GRID2: variants seen among roughly 807,000 people sequenced by gnomAD.
GRID2 encodes the protein glutamate receptor ionotropic, delta-2.
A neutral mutation model predicts 114.8 loss-of-function variants in GRID2; 33 were observed. That is an observed-to-expected ratio of 0.29 (90% confidence interval 0.22 to 0.38). The LOEUF is 0.38. Ranked by LOEUF, GRID2 falls within the 10% of genes least tolerant of loss-of-function variation. The probability of loss-of-function intolerance (pLI) is 1.00; values close to 1 mark genes in which losing one functional copy is unlikely to be tolerated. For missense variants in GRID2, 1,184 were observed against 1,257.7 expected (o/e 0.94, Z 0.89); for synonymous variants, 505 against 449.9 (o/e 1.12, Z -1.55).
intron 1 of GRID2, among the ~76,000 whole-genome samples, chr4:92,475,210 C>T (rs975321348): frequency 2.0e-5 from 3 of 150,848 alleles, no homozygotes; most frequent in South Asian, 4.2e-4. Context: ...AAATTGTTGC[C>T]TGTGTTTTTG....
At chr4:92,486,497 C>T (rs551073038) in intron 1 of GRID2, among the ~76,000 whole-genome samples, 1 of 151,262 alleles carries the variant, frequency 6.6e-6, no homozygotes, top group South Asian at 2.1e-4. Flanking sequence ...AATTTACATT[C>T]TGTCCTTTCA....
At chr4:92,647,737 T>C (rs566322125) in intron 2 of GRID2, among the ~76,000 whole-genome samples, 1 of 149,924 alleles carries the variant, frequency 6.7e-6, no homozygotes, top group African/African-American at 2.5e-5. Context: ...AGAAATCTTA[T>C]TTTCTTAAAC....
At chr4:93,709,034 A>G (rs1465215807) in intron 14 of GRID2, among the ~76,000 whole-genome samples, 1 of 152,084 alleles carries the variant, frequency 6.6e-6, no homozygotes, top group Non-Finnish European at 1.5e-5. Context: ...TTCCATTTAT[A>G]TCTTACTGTT....
intron 2 of GRID2, among the ~76,000 whole-genome samples, chr4:92,912,402 C>T (rs1378566425): frequency 6.6e-6 from 1 of 151,698 alleles, no homozygotes; most frequent in Non-Finnish European, 1.5e-5. Context: ...ACCTTAGCTG[C>T]AACACACTAT....
At chr4:92,392,449 G>A (rs1286542243) in intron 1 of GRID2, among the ~76,000 whole-genome samples, 2 of 152,208 alleles carry the variant, frequency 1.3e-5, no homozygotes, top group South Asian at 4.1e-4. Flanking sequence ...TGAGGCAGGA[G>A]AATGGCTTGA....
At chr4:92,889,442 T>C (rs1424528444) in intron 2 of GRID2, among the ~76,000 whole-genome samples, 1 of 152,132 alleles carries the variant, frequency 6.6e-6, no homozygotes, top group Non-Finnish European at 1.5e-5. Context: ...CCAAAATCAA[T>C]GTGCAAAAAT....
intron 3 of GRID2, among the ~76,000 whole-genome samples, chr4:93,109,153 G>A (rs935138409): frequency 1.3e-5 from 2 of 152,124 alleles, no homozygotes; most frequent in African/African-American, 4.8e-5. Flanking sequence ...TGTACATTCT[G>A]ACTTGGATAT....
At chr4:93,053,516 A>T (rs72885764) in intron 2 of GRID2, among the ~76,000 whole-genome samples, 4,633 of 152,074 alleles carry the variant, frequency 0.03, 87 homozygotes, top group East Asian at 0.053. Context: ...GCACAGACTT[A>T]TCAAAGTCTC....
chr4:93,594,833 C>A, intron 13 of GRID2, among the ~76,000 whole-genome samples: 1 of 152,218 alleles, frequency 6.6e-6, no homozygotes, highest in East Asian at 1.9e-4. Context: ...CCGTCCATCA[C>A]CCCTTTCTTT....
At chr4:93,000,605 A>T (rs1720860058) in intron 2 of GRID2, among the ~76,000 whole-genome samples, 1 of 151,708 alleles carries the variant, frequency 6.6e-6, no homozygotes, top group South Asian at 2.1e-4. Context: ...ACAGCAGAAT[A>T]ACCTTGTAAC....
At chr4:92,606,956 A>C (rs926000070) in intron 2 of GRID2, among the ~76,000 whole-genome samples, 1 of 152,002 alleles carries the variant, frequency 6.6e-6, no homozygotes, top group African/African-American at 2.4e-5. Context: ...TGGACACTTT[A>C]ATGTTGCAGC....
chr4:92,636,914 T>C (rs1297753884), intron 2 of GRID2, among the ~76,000 whole-genome samples: 1 of 152,028 alleles, frequency 6.6e-6, no homozygotes, highest in Non-Finnish European at 1.5e-5. Context: ...GGAAATTTGG[T>C]AGTTTATAAG....
intron 13 of GRID2, among the ~76,000 whole-genome samples, chr4:93,530,005 A>T (rs1286713332): frequency 1.3e-5 from 2 of 152,150 alleles, no homozygotes; most frequent in Non-Finnish European, 2.9e-5. Context: ...CATCAGGCTG[A>T]AAATTGAGGA....
chr4:93,779,125 A>G (rs1734429544), downstream of GRID2, among the ~76,000 whole-genome samples: 1 of 152,126 alleles, frequency 6.6e-6, no homozygotes, highest in South Asian at 2.1e-4. Context: ...CCAATCATGA[A>G]TATTTTTAAT....
chr4:93,006,523 GA>G (rs1475881532), intron 2 of GRID2, among the ~76,000 whole-genome samples: 1 of 151,562 alleles, frequency 6.6e-6, no homozygotes, highest in East Asian at 1.9e-4. Context: ...GAAGTGTATG[GA>G]AAATTCTTTG....
At chr4:92,661,765 G>A (rs1732531989) in intron 2 of GRID2, among the ~76,000 whole-genome samples, 1 of 150,924 alleles carries the variant, frequency 6.6e-6, no homozygotes, top group African/African-American at 2.4e-5. Context: ...CTGAAATAAT[G>A]TGGGAAATTA....
At chr4:92,786,700 G>A (rs1739339376) in intron 2 of GRID2, among the ~76,000 whole-genome samples, 1 of 151,808 alleles carries the variant, frequency 6.6e-6, no homozygotes, top group African/African-American at 2.4e-5. Flanking sequence ...AAAACAAAAA[G>A]AAAAGCTGTC....
chr4:92,604,874 C>T (rs1729378941), intron 2 of GRID2, among the ~76,000 whole-genome samples: 1 of 151,990 alleles, frequency 6.6e-6, no homozygotes, highest in Admixed American at 6.6e-5. Context: ...TTTTAATCTT[C>T]ATAAGCTCCA....
intron 2 of GRID2, among the ~76,000 whole-genome samples, chr4:92,946,594 T>G (rs1279508753): frequency 1.3e-5 from 2 of 152,132 alleles, no homozygotes; most frequent in African/African-American, 4.8e-5. Flanking sequence ...CAAACTCTAC[T>G]GCATATTACT....
Sources: allele counts gnomAD v4.1 joint callset (sites outside exome capture counted in the v4.1 genomes callset), GRCh38; gene constraint gnomAD v4.1.1; transcripts MANE v1.5; gene names NCBI Gene and HGNC (gene_info 2026-07-23, HGNC 2026-07-21).